The following AGBL1 variants were observed in gnomAD, a reference collection of about 807,000 sequenced individuals.
AGBL1 encodes AGBL carboxypeptidase 1.
A neutral mutation model predicts 118.9 loss-of-function variants in AGBL1; 130 were observed. The ratio of observed to expected loss-of-function variants is 1.09; its 90% CI spans 0.95 to 1.26. The LOEUF (loss-of-function observed/expected upper bound fraction) is 1.26. Ranked by LOEUF, AGBL1 falls within the 50% of genes most tolerant of loss-of-function variation. The probability of loss-of-function intolerance (pLI) is 0.00; values close to 1 mark genes in which losing one functional copy is unlikely to be tolerated. For synonymous variants in AGBL1, 555 were observed against 478.9 expected (o/e 1.16, Z -2.08); for missense variants, 1,584 against 1,298.1 (o/e 1.22, Z -3.38).
At chr15:86,570,957 G>T (rs1274070268) in intron 21 of AGBL1, among the ~76,000 whole-genome samples, 1 of 152,160 alleles carries the variant, frequency 6.6e-6, no homozygotes, top group Non-Finnish European at 1.5e-5. Context: ...GCAGCATGCG[G>T]GCTGGCCTGT....
At chr15:86,551,405 T>A (rs1424301511) in intron 20 of AGBL1, among the ~76,000 whole-genome samples, 1 of 152,108 alleles carries the variant, frequency 6.6e-6, no homozygotes, top group Non-Finnish European at 1.5e-5. Flanking sequence ...AGAAGGGGCA[T>A]CACTACAGAT....
chr15:86,934,303 T>A (rs2080640316), intron 23 of AGBL1, among the ~76,000 whole-genome samples: 1 of 152,176 alleles, frequency 6.6e-6, no homozygotes, highest in Non-Finnish European at 1.5e-5. Flanking sequence ...TTTATCTCTT[T>A]AAGTGTCCAG....
At chr15:86,688,360 AG>A (rs978600622) in intron 22 of AGBL1, among the ~76,000 whole-genome samples, 2 of 152,122 alleles carry the variant, frequency 1.3e-5, no homozygotes, top group African/African-American at 4.8e-5. Context: ...AAGGTGAGAG[AG>A]GGAACTCTGA....
intron 7 of AGBL1, among the ~76,000 whole-genome samples, chr15:86,254,120 A>G (rs1395431940): frequency 1.3e-5 from 2 of 152,234 alleles, no homozygotes; most frequent in East Asian, 3.8e-4. Flanking sequence ...TTGCTTTGTT[A>G]TCATGGGAAT....
At chr15:86,397,908 A>G (rs1162025693) in intron 18 of AGBL1, among the ~76,000 whole-genome samples, 2 of 152,264 alleles carry the variant, frequency 1.3e-5, no homozygotes, top group Non-Finnish European at 2.9e-5. Context: ...TTTTTCTTTT[A>G]AAAAGGAGGA....
At chr15:86,158,584 C>T (rs2077224262) in intron 4 of AGBL1, among the ~76,000 whole-genome samples, 1 of 152,190 alleles carries the variant, frequency 6.6e-6, no homozygotes, top group Non-Finnish European at 1.5e-5. Context: ...TTGTATTTAC[C>T]TAACCAGATA....
At chr15:86,280,337 T>C (rs2079330789) in intron 16 of AGBL1, among the ~76,000 whole-genome samples, 1 of 152,122 alleles carries the variant, frequency 6.6e-6, no homozygotes, top group African/African-American at 2.4e-5. Flanking sequence ...ACTAGATCAT[T>C]GCAACAGACA....
At chr15:87,007,226 C>T (rs1364822110) in intron 24 of AGBL1, among the ~76,000 whole-genome samples, 1 of 152,048 alleles carries the variant, frequency 6.6e-6, no homozygotes, top group Non-Finnish European at 1.5e-5. Context: ...AGACCAGGTT[C>T]TTACGCTAGC....
chr15:86,697,731 A>C (rs1175396759), intron 22 of AGBL1, among the ~76,000 whole-genome samples: 1 of 151,856 alleles, frequency 6.6e-6, no homozygotes, highest in Non-Finnish European at 1.5e-5. Context: ...CGGAGGGAAG[A>C]TCTGGGGATC....
intron 5 of AGBL1, among the ~76,000 whole-genome samples, chr15:86,224,498 C>T (rs1027210872): frequency 6.6e-6 from 1 of 152,120 alleles, no homozygotes; most frequent in South Asian, 2.1e-4. Flanking sequence ...TGTGCTGCTA[C>T]ATTCACTAAG....
intron 21 of AGBL1, among the ~76,000 whole-genome samples, chr15:86,656,568 G>A (rs528274033): frequency 1.3e-5 from 2 of 152,254 alleles, no homozygotes; most frequent in South Asian, 4.1e-4. Flanking sequence ...GCACTCCTAA[G>A]TTCTTTATGC....
chr15:86,635,770 G>A (rs190729083), intron 21 of AGBL1, among the ~76,000 whole-genome samples: 52 of 152,216 alleles, frequency 3.4e-4, no homozygotes, highest in Admixed American at 1.2e-3. Context: ...CCATCACATA[G>A]GTCAACATGC....
At chr15:86,226,968 A>G (rs1341691590) in intron 6 of AGBL1, among the ~76,000 whole-genome samples, 1 of 152,258 alleles carries the variant, frequency 6.6e-6, no homozygotes, top group East Asian at 1.9e-4. Flanking sequence ...TACTTGCCTC[A>G]GCACAATGAA....
chr15:86,604,481 G>T (rs902796353), intron 21 of AGBL1, among the ~76,000 whole-genome samples: 1 of 152,290 alleles, frequency 6.6e-6, no homozygotes, highest in South Asian at 2.1e-4. Flanking sequence ...CTGATCCCGA[G>T]GCCAGGCAAT....
chr15:86,564,349 T>C lies in AGBL1; in HGVS notation c.2994+9812T>C, dbSNP rs974134493. The stretch of plus-strand genomic sequence containing the variant: ...TGGAGGTGACACAATCTCTCAGCAT[T>C]TGCTTGTCTGTAAAGGATTTTATTT... On this transcript the variant is annotated intron_variant, in intron 21 of 22. Coordinates refer to ENST00000614907, the MANE Select transcript of AGBL1 (RefSeq NM_001386094.1). 4.2e-4 allele frequency among the ~76,000 whole-genome samples: 64 copies of C among 152,312 alleles called. 1 individual carries two copies. The highest frequency in any genetic ancestry group is 1.5e-3 in the African/African-American group (63 of 41,572).
chr15:86,940,297 G>C (rs1403136738), intron 23 of AGBL1, among the ~76,000 whole-genome samples: 1 of 151,910 alleles, frequency 6.6e-6, no homozygotes, highest in Non-Finnish European at 1.5e-5. Flanking sequence ...TTGTTGATCT[G>C]TAAAATGGAG....
intron 5 of AGBL1, among the ~76,000 whole-genome samples, chr15:86,224,286 G>C (rs2078324766): frequency 6.6e-6 from 1 of 152,082 alleles, no homozygotes; most frequent in Non-Finnish European, 1.5e-5. Context: ...ACTAAGATGT[G>C]GGTCAAAAAG....
At chr15:86,579,180 C>A (rs2084139558) in intron 21 of AGBL1, among the ~76,000 whole-genome samples, 1 of 152,102 alleles carries the variant, frequency 6.6e-6, no homozygotes, top group South Asian at 2.1e-4. Context: ...TTTCAGATGT[C>A]AAAAAGCTGG....
chr15:86,944,788 A>G (rs1286795255), intron 23 of AGBL1, among the ~76,000 whole-genome samples: 1 of 152,192 alleles, frequency 6.6e-6, no homozygotes, highest in Non-Finnish European at 1.5e-5. Context: ...TTACTCAGCA[A>G]TTCCATTTTC....
Sources: gnomAD v4.1 joint callset for allele counts (sites outside exome capture counted in the v4.1 genomes callset) on GRCh38, gnomAD v4.1.1 for gene constraint, MANE v1.5 for transcripts, NCBI Gene and HGNC (gene_info 2026-07-23, HGNC 2026-07-21) for gene names.